Variants in HLCS observed in about 807,000 individuals in gnomAD.
The protein encoded by HLCS is biotin--protein ligase.
Under a neutral mutation model 75.0 loss-of-function variants are expected in HLCS, and 53 were observed. That is an observed-to-expected ratio of 0.71 (90% CI 0.57 to 0.89). HLCS has a LOEUF of 0.89. HLCS is among the 40% of genes least tolerant of loss of function. The pLI, the probability that HLCS is intolerant of heterozygous loss-of-function variation, is 0.00. For missense variants in HLCS, 966 were observed against 1,074.0 expected (o/e 0.90, Z 1.41); for synonymous variants, 431 against 428.6 (o/e 1.01, Z -0.07).
Position 36,842,665 on chromosome 21 carries a change from C to T in HLCS, c.1892+54195G>A, listed in dbSNP as rs2062656063. On this transcript the variant is annotated intron_variant, in intron 6 of 10. Transcript: ENST00000674895. The surrounding 1 kb of genome is among the most constrained non-coding windows in gnomAD (Gnocchi z 4.2). ...GGCTGAGGCACGAGAATTGCTTGAA[C>T]CCGGGAGGTGGAGGTTGCAGTAAGC... Among the ~76,000 whole-genome samples the T allele has an allele frequency of 1.3e-5, 2 of 151,930 alleles. No homozygotes were observed. The highest frequency in any genetic ancestry group is 6.6e-5 in the Admixed American group (1 of 15,252).
intron 1 of HLCS, among the ~76,000 whole-genome samples, chr21:36,962,793 CAAAAAAAAAA>C (rs386394699): frequency 1.6e-4 from 13 of 80,228 alleles, no homozygotes; most frequent in Non-Finnish European, 3.0e-4. Context: ...GACCCTATCT[CAAAAAAAAAA>C]AAAAAAAAAA....
At chr21:36,937,504 A>G in intron 3 of HLCS, 112 bp from the exon 4 acceptor site, 2 of 1,004,386 alleles carry the variant, frequency 2.0e-6, no homozygotes, top group Non-Finnish European at 3.1e-6. Flanking sequence ...CTTACATTCC[A>G]GGACAGCCTC....
intron 6 of HLCS, among the ~76,000 whole-genome samples, chr21:36,849,150 T>C (rs749509452): frequency 1.3e-5 from 2 of 152,206 alleles, no homozygotes. Context: ...ATTTTAACAA[T>C]GACCCAGAAA....
chr21:36,772,628 G>A (rs1743573471), intron 6 of HLCS, among the ~76,000 whole-genome samples: 1 of 106,796 alleles, frequency 9.4e-6, no homozygotes, highest in African/African-American at 3.7e-5. Context: ...AACAGAGCAA[G>A]ACACTGTCTC....
chr21:36,832,137 G>C (rs1340717062), intron 6 of HLCS, among the ~76,000 whole-genome samples: 1 of 152,194 alleles, frequency 6.6e-6, no homozygotes, highest in Non-Finnish European at 1.5e-5. Flanking sequence ...CAGCCGGGTG[G>C]GTTGCGGCTA....
At chr21:36,843,393 G>A (rs2062683211) in intron 6 of HLCS, among the ~76,000 whole-genome samples, 3 of 152,086 alleles carry the variant, frequency 2.0e-5, no homozygotes, top group Admixed American at 6.5e-5. Context: ...AGCCATGATC[G>A]TGCCACAGCA....
intron 6 of HLCS, among the ~76,000 whole-genome samples, chr21:36,895,334 G>A (rs964801202): frequency 4.6e-5 from 7 of 152,150 alleles, no homozygotes; most frequent in African/African-American, 1.7e-4. Flanking sequence ...GATTATTACA[G>A]AGTTTGCAAC....
chr21:36,940,802 T>A (rs1255559845), intron 2 of HLCS, among the ~76,000 whole-genome samples: 2 of 152,216 alleles, frequency 1.3e-5, no homozygotes, highest in Non-Finnish European at 2.9e-5. Flanking sequence ...AAATTTCATC[T>A]CGAACTGTAA....
At chr21:36,799,078 T>C (rs1462134588) in intron 6 of HLCS, among the ~76,000 whole-genome samples, 1 of 152,094 alleles carries the variant, frequency 6.6e-6, no homozygotes, top group East Asian at 1.9e-4. Flanking sequence ...GCTTTTTGTG[T>C]CTCATTTAAG....
intron 6 of HLCS, among the ~76,000 whole-genome samples, chr21:36,859,966 T>C (rs1310850906): frequency 6.6e-6 from 1 of 152,206 alleles, no homozygotes; most frequent in African/African-American, 2.4e-5. Context: ...CATCCTGAAA[T>C]TGTTCCTTGC....
At chr21:36,941,571 C>G (rs2067142717) in intron 2 of HLCS, among the ~76,000 whole-genome samples, 1 of 152,190 alleles carries the variant, frequency 6.6e-6, no homozygotes, top group East Asian at 1.9e-4. Context: ...CAACTACATA[C>G]TGACGTGTAA....
rs200559842 is a variant in HLCS, at chr21:36,910,271, G to A, written c.1621-13140C>T. Among the ~76,000 whole-genome samples the A allele has an allele frequency of 3.4e-4, 52 of 152,336 alleles. No homozygotes were observed. In the East Asian group the frequency reaches 8.3e-3, roughly 24 times the overall value. ...AAAAGATGGCACTCCTGGGCCGGGC[G>A]CAGTGGCTAATGCCTGTAATCCCGG... is the stretch of plus-strand genomic sequence containing the variant. On this transcript the variant is annotated intron_variant, in intron 5 of 10. Transcript: ENST00000674895.
chr21:36,846,405 C>T (rs2062801380), intron 6 of HLCS, among the ~76,000 whole-genome samples: 1 of 152,100 alleles, frequency 6.6e-6, no homozygotes, highest in South Asian at 2.1e-4. Context: ...GGACCTCCAC[C>T]AAGACATTTC....
chr21:36,793,896 T>C (rs2145890770), intron 6 of HLCS, among the ~76,000 whole-genome samples: 1 of 152,330 alleles, frequency 6.6e-6, no homozygotes, highest in East Asian at 1.9e-4. Flanking sequence ...GCATCTCTCA[T>C]GAAGATGCTG....
intron 6 of HLCS, among the ~76,000 whole-genome samples, chr21:36,806,527 C>A (rs890736429): frequency 1.3e-5 from 2 of 151,950 alleles, no homozygotes; most frequent in Admixed American, 1.3e-4. Flanking sequence ...TTTGACCGCA[C>A]AGCAAAAAAG....
At chr21:36,812,671 G>C (rs1331239909) in intron 6 of HLCS, among the ~76,000 whole-genome samples, 1 of 152,044 alleles carries the variant, frequency 6.6e-6, no homozygotes, top group Non-Finnish European at 1.5e-5. Flanking sequence ...AATTACATAT[G>C]AAAGAGCAAG....
At chr21:36,934,416 G>A (rs778008455) in intron 4 of HLCS, among the ~76,000 whole-genome samples, 5 of 152,104 alleles carry the variant, frequency 3.3e-5, no homozygotes, top group Non-Finnish European at 7.3e-5. Flanking sequence ...CATCAAAGGC[G>A]ACCCACTGCT....
intron 6 of HLCS, among the ~76,000 whole-genome samples, chr21:36,775,179 C>T (rs1158453816): frequency 6.6e-6 from 1 of 152,240 alleles, no homozygotes; most frequent in Non-Finnish European, 1.5e-5. Context: ...TCCTGGCATA[C>T]CTGCCCTTCT....
chr21:36,784,136 T>C (rs559530728), intron 6 of HLCS, among the ~76,000 whole-genome samples: 16 of 152,200 alleles, frequency 1.1e-4, no homozygotes, highest in African/African-American at 3.4e-4. Flanking sequence ...GACATCATCA[T>C]TGCCAAGTAG....
Sources: allele counts gnomAD v4.1 joint callset (sites outside exome capture counted in the v4.1 genomes callset), GRCh38; gene constraint gnomAD v4.1.1; non-coding constraint Gnocchi (gnomAD v3.1); transcripts MANE v1.5; gene names NCBI Gene and HGNC (gene_info 2026-07-23, HGNC 2026-07-21).